The following WDR72 variants were observed in gnomAD, a reference collection of about 807,000 sequenced individuals.
The protein encoded by WDR72 is WD repeat-containing protein 72.
WDR72 carries 120 observed loss-of-function variants against 124.2 expected under a neutral mutation model. That is an observed-to-expected ratio of 0.97 (90% confidence interval 0.83 to 1.12). The LOEUF (loss-of-function observed/expected upper bound fraction) is 1.12. Ranked by LOEUF, WDR72 falls within the 50% of genes most tolerant of loss-of-function variation. The pLI, the probability that WDR72 is intolerant of heterozygous loss-of-function variation, is 0.00. For synonymous variants in WDR72, 452 were observed against 441.7 expected (o/e 1.02, Z -0.29); for missense variants, 1,387 against 1,278.8 (o/e 1.08, Z -1.29).
intron 10 of WDR72, 57 bp downstream of exon 10, chr15:53,705,870 A>G (rs2017337757): frequency 1.2e-6 from 2 of 1,605,024 alleles, no homozygotes; most frequent in Non-Finnish European, 1.7e-6. Flanking sequence ...AAGAACAATG[A>G]ATTAATTACA....
At chr15:53,678,428 T>C (rs2016254228) in intron 13 of WDR72, among the ~76,000 whole-genome samples, 1 of 152,194 alleles carries the variant, frequency 6.6e-6, no homozygotes, top group South Asian at 2.1e-4. Flanking sequence ...CCAGTAGTCT[T>C]TGGTGGGCTC....
rs866762141 is a variant in WDR72 at position 53,576,600 on chromosome 15, A to T, written c.3148+20479T>A. ...TCCTTTCCTTCTCTCTTCTTCCCCC[A>T]CCCCTAAAAATACACACATACAGAA... On this transcript the variant is annotated intron_variant, in intron 18 of 19. Coordinates refer to ENST00000360509, the MANE Select transcript of WDR72 (RefSeq NM_182758.4). 2.0e-5 allele frequency among the ~76,000 whole-genome samples: 3 copies of T among 151,802 alleles called. No individual in the cohort carries two copies. In the East Asian group the frequency reaches 5.8e-4, roughly 29 times the overall value.
At chr15:53,529,172 T>A (rs1265052813) in intron 18 of WDR72, among the ~76,000 whole-genome samples, 13 of 124,402 alleles carry the variant, frequency 1.0e-4, no homozygotes, top group African/African-American at 3.6e-4. Context: ...ATATTTTTTT[T>A]TTTTTTTTTA....
intron 18 of WDR72, among the ~76,000 whole-genome samples, chr15:53,549,222 C>G (rs1385686586): frequency 6.6e-6 from 1 of 152,180 alleles, no homozygotes; most frequent in African/African-American, 2.4e-5. Context: ...ATCTTATGGT[C>G]TGACAGGCAA....
At chr15:53,581,874 A>G (rs1595773561) in intron 18 of WDR72, among the ~76,000 whole-genome samples, 1 of 152,048 alleles carries the variant, frequency 6.6e-6, no homozygotes, top group East Asian at 1.9e-4. Flanking sequence ...TGAGAAAAGG[A>G]ATTAATAATT....
chr15:53,705,135 CA>C lies in WDR72; in HGVS notation c.1200del (p.Asp400GlufsTer7). ...GAAGTGACTACAGCAGTTCCTGCCC[CA>C]TCTTTAAGCCCAGAGAAATAGTCAA... ...SIIDYFSGLKDGAGTAVVTSS... is the reference protein window; with the variant it reads ...SIIDYFSGLKXGAGTAVVTSS... On this transcript the variant is annotated frameshift_variant, in exon 11 of 20. Coordinates refer to ENST00000360509, the MANE Select transcript of WDR72 (RefSeq NM_182758.4). LOFTEE classifies it high-confidence loss of function. 6.2e-7 allele frequency: 1 copy of C among 1,614,078 alleles called. No homozygotes were observed. Among genetic ancestry groups the C allele is most frequent in the East Asian group, 2.2e-5 (1 of 44,850 alleles).
chr15:53,737,186 C>G (rs1031337802), intron 1 of WDR72, among the ~76,000 whole-genome samples: 3 of 152,034 alleles, frequency 2.0e-5, no homozygotes, highest in African/African-American at 7.3e-5. Context: ...AGGCCTGGAG[C>G]AGGGAAACAC....
intron 1 of WDR72, among the ~76,000 whole-genome samples, chr15:53,753,741 T>C (rs1375158051): frequency 1.3e-5 from 2 of 152,220 alleles, no homozygotes. Flanking sequence ...TTCTCAGTGT[T>C]AAGGCACAGT....
At chr15:53,675,381 T>G (rs908234878) in intron 13 of WDR72, among the ~76,000 whole-genome samples, 4 of 152,076 alleles carry the variant, frequency 2.6e-5, no homozygotes, top group African/African-American at 9.7e-5. Flanking sequence ...AATTTTTAAT[T>G]TTTAACCTCA....
rs114965719 is a variant in WDR72, at chr15:53,646,803, A to T, written c.1962+18769T>A. Among the ~76,000 whole-genome samples the T allele has an allele frequency of 9.7e-3, 1,478 of 152,240 alleles. 34 individuals are homozygous for T. The highest frequency in any genetic ancestry group is 0.034 in the African/African-American group (1,425 of 41,524). On this transcript the variant is annotated intron_variant, in intron 14 of 19. Coordinates refer to ENST00000360509, the MANE Select transcript of WDR72 (RefSeq NM_182758.4). ...AAACGTCAAATAAAAGCTCTGGGAC[A>T]GTTAAAAAAAAATGGCAAGGAAAGT...
At chr15:53,652,506 C>T (rs1323122356) in intron 14 of WDR72, among the ~76,000 whole-genome samples, 1 of 152,144 alleles carries the variant, frequency 6.6e-6, no homozygotes, top group African/African-American at 2.4e-5. Flanking sequence ...GGAAATGAAA[C>T]ATAAATCAGC....
At chr15:53,633,087 T>A (rs2014493224) in intron 14 of WDR72, among the ~76,000 whole-genome samples, 1 of 152,130 alleles carries the variant, frequency 6.6e-6, no homozygotes, top group African/African-American at 2.4e-5. Flanking sequence ...AGAGGTGGAA[T>A]GATATGGTTT....
intron 13 of WDR72, among the ~76,000 whole-genome samples, chr15:53,677,655 T>G (rs1231453512): frequency 3.3e-5 from 5 of 152,184 alleles, no homozygotes; most frequent in Non-Finnish European, 7.3e-5. Context: ...GACATGACTT[T>G]GCTCCCCTTT....
At position 53,552,023 on chromosome 15, in the gene WDR72, A is replaced by G. The variant is rs139337016; in HGVS notation, c.3149-28701T>C. ...ACCATTCAGCCATCTGCTGCTGAGCATATTCAGGGAAAAGACAGAAAATTC... is the reference window on the plus strand; with the variant it reads ...ACCATTCAGCCATCTGCTGCTGAGCGTATTCAGGGAAAAGACAGAAAATTC... On this transcript the variant is annotated intron_variant, in intron 18 of 19. Transcript: ENST00000360509. 3.2e-3 allele frequency among the ~76,000 whole-genome samples: 484 copies of G among 152,292 alleles called. 4 individuals are homozygous for G. Among genetic ancestry groups the G allele is most frequent in the South Asian group, 0.017 (80 of 4,826 alleles).
rs34418320 is a variant in WDR72, at chr15:53,529,145, C to CATATATAT, written c.3149-5831_3149-5824dup. Among the ~76,000 whole-genome samples the CATATATAT allele has an allele frequency of 1.9e-3, 216 of 112,470 alleles. 1 individual carries two copies. Among genetic ancestry groups the CATATATAT allele is most frequent in the Non-Finnish European group, 2.5e-3 (142 of 57,296 alleles). The allele number at this position is 112,470 out of a possible 152,430, so 73.8% of individuals were successfully genotyped here. On this transcript the variant is annotated intron_variant, in intron 18 of 19. Coordinates refer to ENST00000360509, the MANE Select transcript of WDR72 (RefSeq NM_182758.4). ...AAATAATATTCCACACTGTTTAGCCCATATATATATATATATATATTTTTT... is the reference window on the plus strand; with the variant it reads ...AAATAATATTCCACACTGTTTAGCCCATATATATATATATATATATATATATATTTTTT...
chr15:53,641,310 C>A (rs546545379), intron 14 of WDR72, among the ~76,000 whole-genome samples: 1 of 151,926 alleles, frequency 6.6e-6, no homozygotes, highest in Admixed American at 6.6e-5. Context: ...ATCTCTTTCT[C>A]TGTTCTTGAA....
intron 12 of WDR72, 100 bp downstream of exon 12, chr15:53,702,034 T>C: frequency 4.6e-6 from 4 of 865,044 alleles, no homozygotes; most frequent in Non-Finnish European, 6.9e-6. Flanking sequence ...CATGTTTTTC[T>C]TTTCTTTGGA....
In WDR72 at chr15:53,520,419, G is replaced by T. The variant is rs80348533; in HGVS notation, c.3254-2665C>A. The stretch of plus-strand genomic sequence containing the variant: ...GGGGATTTTGCAGGTACATAAAAAT[G>T]TTAAAAGGAATTTTAAATGAATGAA... On this transcript the variant is annotated intron_variant, in intron 19 of 19. Transcript: ENST00000360509. Among the ~76,000 whole-genome samples, 797 of 152,132 alleles carry T rather than the reference G, an allele frequency of 5.2e-3. 9 individuals are homozygous for T. The highest frequency in any genetic ancestry group is 0.018 in the African/African-American group (757 of 41,550).
intron 18 of WDR72, among the ~76,000 whole-genome samples, chr15:53,543,662 A>C (rs1434828990): frequency 6.6e-6 from 1 of 151,800 alleles, no homozygotes; most frequent in African/African-American, 2.4e-5. Context: ...AACTGAAGGA[A>C]ATAGAGACAC....
Sources: gnomAD v4.1 joint callset for allele counts (sites outside exome capture counted in the v4.1 genomes callset) on GRCh38, gnomAD v4.1.1 for gene constraint, MANE v1.5 for transcripts, NCBI Gene and HGNC (gene_info 2026-07-23, HGNC 2026-07-21) for gene names.